Variants in MRPS6 observed in about 807,000 individuals in gnomAD.
MRPS6 encodes the protein small ribosomal subunit protein bS6m.
Under a neutral mutation model 13.1 loss-of-function variants are expected in MRPS6, and 6 were observed. The observed-to-expected ratio is 0.46, with a 90% CI of 0.25 to 0.91. The LOEUF (loss-of-function observed/expected upper bound fraction) is 0.91. Ranked by LOEUF, MRPS6 falls within the 40% of genes least tolerant of loss-of-function variation. MRPS6 has a pLI of 0.18. For missense variants in MRPS6, 164 were observed against 155.6 expected, an observed-to-expected ratio of 1.05 and a Z score of -0.29; for synonymous variants, 61 against 56.5, an observed-to-expected ratio of 1.08 and a Z score of -0.36.
chr21:34,131,623 C>T (rs1283524912), intron 2 of MRPS6, among the ~76,000 whole-genome samples: 2 of 152,182 alleles, frequency 1.3e-5, no homozygotes, highest in Non-Finnish European at 2.9e-5. Flanking sequence ...TCGCAGGCAT[C>T]AAAAGCCACC....
chr21:34,104,020 C>T, intron 1 of MRPS6: 1 of 1,000,118 alleles, frequency 1.0e-6, no homozygotes, highest in Non-Finnish European at 1.2e-6. Flanking sequence ...TACCTCTTAA[C>T]AGTGCCCCCC....
At chr21:34,103,455 CTTATG>C in intron 1 of MRPS6, 1 of 998,676 alleles carries the variant, frequency 1.0e-6, no homozygotes, top group Non-Finnish European at 1.2e-6. Context: ...CTTAAAGTTA[CTTATG>C]TTCTGTGATC....
At chr21:34,129,790 T>G (rs1455640045) in intron 2 of MRPS6, among the ~76,000 whole-genome samples, 13 of 152,200 alleles carry the variant, frequency 8.5e-5, no homozygotes, top group Non-Finnish European at 5.9e-5. Context: ...GTGTAGGTAC[T>G]CCACACCAGG....
At chr21:34,125,568 T>G (rs1459570725) in intron 2 of MRPS6, 88 bp downstream of exon 2, 22 of 1,539,886 alleles carry the variant, frequency 1.4e-5, no homozygotes, top group Non-Finnish European at 1.6e-5. Context: ...TCTTAAAATT[T>G]CACATTGAGA....
chr21:34,102,559 T>C (rs1979293147), intron 1 of MRPS6: 1 of 999,972 alleles, frequency 1.0e-6, no homozygotes, highest in Non-Finnish European at 1.2e-6. Flanking sequence ...CACTTTACTT[T>C]TTGGGCAGTA....
intron 1 of MRPS6, among the ~76,000 whole-genome samples, chr21:34,121,699 A>T (rs1293515923): frequency 6.6e-6 from 1 of 152,212 alleles, no homozygotes; most frequent in Non-Finnish European, 1.5e-5. Context: ...AATGAGAATT[A>T]TGGCAGCAAG....
chr21:34,077,148 A>C, intron 1 of MRPS6, among the ~76,000 whole-genome samples: 1 of 152,232 alleles, frequency 6.6e-6, no homozygotes, highest in African/African-American at 2.4e-5. Context: ...AAATGGTTGA[A>C]GCCCTTTGGT....
intron 1 of MRPS6, among the ~76,000 whole-genome samples, chr21:34,118,149 C>T (rs1979993328): frequency 6.6e-6 from 1 of 152,060 alleles, no homozygotes; most frequent in South Asian, 2.1e-4. Flanking sequence ...TATTTTCTTA[C>T]TACACTTTAT....
chr21:34,075,631 T>C (rs558921612), intron 1 of MRPS6, among the ~76,000 whole-genome samples: 1 of 152,238 alleles, frequency 6.6e-6, no homozygotes, highest in East Asian at 1.9e-4. Context: ...AGATAGAAGG[T>C]TGTAACAGTG....
At chr21:34,140,163 G>T (rs1569426845) in intron 2 of MRPS6, among the ~76,000 whole-genome samples, 1 of 149,870 alleles carries the variant, frequency 6.7e-6, no homozygotes, top group Admixed American at 6.6e-5. Context: ...CATCTTACTG[G>T]ATTTAATTTG....
chr21:34,091,948 G>A (rs1366809616), intron 1 of MRPS6, among the ~76,000 whole-genome samples: 1 of 152,058 alleles, frequency 6.6e-6, no homozygotes, highest in Non-Finnish European at 1.5e-5. Flanking sequence ...TACTTGAGAG[G>A]TTTGCGTGAA....
At chr21:34,092,567 A>AGTTT (rs1176204893) in intron 1 of MRPS6, among the ~76,000 whole-genome samples, 1 of 152,216 alleles carries the variant, frequency 6.6e-6, no homozygotes, top group Non-Finnish European at 1.5e-5. Flanking sequence ...AACTTCATGC[A>AGTTT]GTTTGAGCAT....
At chr21:34,092,040 G>A (rs2148657959) in intron 1 of MRPS6, among the ~76,000 whole-genome samples, 1 of 152,108 alleles carries the variant, frequency 6.6e-6, no homozygotes, top group South Asian at 2.1e-4. Flanking sequence ...TCTTCCATGT[G>A]TATTCTTATA....
At chr21:34,128,373 C>A (rs111295287) in intron 2 of MRPS6, among the ~76,000 whole-genome samples, 3,263 of 152,238 alleles carry the variant, frequency 0.021, 126 homozygotes, top group African/African-American at 0.073. Flanking sequence ...CTCCGCCCCC[C>A]AAATCAACCG....
intron 1 of MRPS6, among the ~76,000 whole-genome samples, chr21:34,120,253 C>T (rs979256362): frequency 6.6e-6 from 1 of 152,142 alleles, no homozygotes. Flanking sequence ...AACCTCCCAC[C>T]CATGCAGATA....
At chr21:34,129,008 C>T (rs193036860) in intron 2 of MRPS6, among the ~76,000 whole-genome samples, 279 of 152,318 alleles carry the variant, frequency 1.8e-3, no homozygotes, top group African/African-American at 6.4e-3. Context: ...GAGATTACCT[C>T]CCCTTTGTGT....
At position 34,097,257 on chromosome 21, in the gene MRPS6, A is replaced by T. The variant is rs1979007991; in HGVS notation, c.45+23512A>T. ...GGAAGAGGAGGCTGTTTGTTTACAG[A>T]TGCTAGAAGAGACTCGGCAAGTTAA... On this transcript the variant is annotated intron_variant, in intron 1 of 2. Coordinates refer to ENST00000399312, the MANE Select transcript of MRPS6 (RefSeq NM_032476.4). The T allele has an allele frequency of 6.2e-7, 1 of 1,613,946 alleles. No homozygotes were observed. The highest frequency in any genetic ancestry group is 1.3e-5 in the African/African-American group (1 of 74,932).
intron 1 of MRPS6, among the ~76,000 whole-genome samples, chr21:34,084,857 C>T (rs1989536238): frequency 6.6e-6 from 1 of 152,106 alleles, no homozygotes; most frequent in South Asian, 2.1e-4. Flanking sequence ...ACTTAAAGAG[C>T]AGTTCATTTA....
rs371665232 is a variant in MRPS6 at position 34,139,622 on chromosome 21, G to T, written c.186-2786G>T. Among the ~76,000 whole-genome samples, 8 of 152,034 alleles carry T rather than the reference G, an allele frequency of 5.3e-5. No individual in the cohort carries two copies. In the East Asian group the frequency reaches 1.2e-3, roughly 22 times the overall value. On this transcript the variant is annotated intron_variant, in intron 2 of 2. Coordinates refer to ENST00000399312, the MANE Select transcript of MRPS6 (RefSeq NM_032476.4). ...AGACAGAGTCTCGCTCTGTCACCCA[G>T]GCTGGAATGCAGTGATACAATCACG...
Sources: allele counts gnomAD v4.1 joint callset (sites outside exome capture counted in the v4.1 genomes callset), GRCh38; gene constraint gnomAD v4.1.1; transcripts MANE v1.5; gene names NCBI Gene and HGNC (gene_info 2026-07-23, HGNC 2026-07-21).